PINK1: variants seen among roughly 807,000 people sequenced by gnomAD.
The protein encoded by PINK1 is serine/threonine-protein kinase PINK1, mitochondrial.
A neutral mutation model predicts 56.0 loss-of-function variants in PINK1; 58 were observed. That is an observed-to-expected ratio of 1.04 (90% confidence interval 0.84 to 1.29). PINK1 has a LOEUF of 1.29. PINK1 is among the 50% of genes most tolerant of loss of function. The probability of loss-of-function intolerance (pLI) is 0.00; values close to 1 mark genes in which losing one functional copy is unlikely to be tolerated. For synonymous variants in PINK1, 354 were observed against 339.3 expected (o/e 1.04, Z -0.48); for missense variants, 745 against 777.9 (o/e 0.96, Z 0.50).
chr1:20,637,776 CCT>C lies in PINK1; in HGVS notation c.388-65_388-64del, dbSNP rs35832516. ...CCTTGCTGCACCTCTCTCTGCCTCC[CCT>C]GTTTCCCTTTTCTTGGGCCTTCCTA... On this transcript the variant is annotated intron_variant, in intron 1 of 7. Coordinates refer to ENST00000321556, the MANE Select transcript of PINK1 (RefSeq NM_032409.3). 204,016 of 1,582,232 alleles carry C rather than the reference CCT, an allele frequency of 0.13. 14,237 individuals carry two copies. The highest frequency in any genetic ancestry group is 0.14 in the Non-Finnish European group (163,479 of 1,153,496).
intron 4 of PINK1, 25 bp downstream of exon 4, chr1:20,644,697 C>T (rs773923961): frequency 1.2e-6 from 2 of 1,612,656 alleles, no homozygotes; most frequent in Non-Finnish European, 1.7e-6. Flanking sequence ...CGCGGCAGGG[C>T]CTGGAGCTGA....
At chr1:20,647,052 G>GATT (rs1158333228) in intron 5 of PINK1, among the ~76,000 whole-genome samples, 1 of 83,412 alleles carries the variant, frequency 1.2e-5, no homozygotes, top group Non-Finnish European at 2.6e-5. Context: ...GCTAATTTTT[G>GATT]ATTTTTTTTT....
intron 5 of PINK1, 120 bp downstream of exon 5, chr1:20,645,843 C>T: frequency 7.4e-7 from 1 of 1,346,818 alleles, no homozygotes; most frequent in Non-Finnish European, 1.0e-6. Context: ...CTTTATTTAG[C>T]TCCGCACACA....
At position 20,641,035 on chromosome 1, in the gene PINK1, G is replaced by A. The variant is rs2053110547; in HGVS notation, c.776+1043G>A. On this transcript the variant is annotated intron_variant, in intron 3 of 7. Transcript: ENST00000321556. The surrounding 1 kb of genome is among the most constrained non-coding windows in gnomAD (Gnocchi z 4.0). ...CTGGGCGACCCTGGAGTGAGACCCTGTCTCTCATTTGTAGACCCACCAAGA... is the reference window on the plus strand; with the variant it reads ...CTGGGCGACCCTGGAGTGAGACCCTATCTCTCATTTGTAGACCCACCAAGA... 6.6e-6 allele frequency among the ~76,000 whole-genome samples: 1 copy of A among 152,056 alleles called. No individual in the cohort carries two copies. The highest frequency in any genetic ancestry group is 2.1e-4 in the South Asian group (1 of 4,822).
At chr1:20,645,497 A>AAAC in intron 4 of PINK1, 63 bp from the exon 5 acceptor site, 1 of 1,506,832 alleles carries the variant, frequency 6.6e-7, no homozygotes, top group Non-Finnish European at 9.1e-7. Flanking sequence ...CAAAAAAAAA[A>AAAC]AAAAAAACGT....
At chr1:20,648,961 G>A (rs1449935723) in intron 6 of PINK1, 34 bp from the exon 7 acceptor site, 4 of 1,599,408 alleles carry the variant, frequency 2.5e-6, no homozygotes, top group Non-Finnish European at 3.4e-6. Context: ...AGATGGGCGG[G>A]CAGCGTGATG....
rs958007256 is a variant in PINK1 at position 20,641,603 on chromosome 1, T to C, written c.776+1611T>C. On this transcript the variant is annotated intron_variant, in intron 3 of 7. Transcript: ENST00000321556. This position sits in a 1 kb window ranked among gnomAD's most constrained non-coding sequence, Gnocchi z 4.0. Reference sequence around the variant, plus strand: ...CGGATAGATGTGGCAGCAGGTACATTACCTCAACTTCTGGTACACCTTGGG... The same window carrying C: ...CGGATAGATGTGGCAGCAGGTACATCACCTCAACTTCTGGTACACCTTGGG... 6.6e-6 allele frequency among the ~76,000 whole-genome samples: 1 copy of C among 152,128 alleles called. No individual in the cohort carries two copies. Among genetic ancestry groups the C allele is most frequent in the Non-Finnish European group, 1.5e-5 (1 of 68,040 alleles).
chr1:20,638,288 T>C, intron 2 of PINK1, 159 bp downstream of exon 2: 1 of 803,362 alleles, frequency 1.2e-6, no homozygotes, highest in South Asian at 1.8e-5. Context: ...TACACAGAAG[T>C]CTAAACCAGA....
chr1:20,642,047 A>G (rs2053120545), intron 3 of PINK1, among the ~76,000 whole-genome samples: 1 of 152,164 alleles, frequency 6.6e-6, no homozygotes, highest in African/African-American at 2.4e-5. Context: ...CTTTGATTGC[A>G]TAGAACAGGG....
intron 5 of PINK1, among the ~76,000 whole-genome samples, chr1:20,648,131 G>A (rs1238291209): frequency 6.6e-6 from 1 of 152,170 alleles, no homozygotes; most frequent in East Asian, 1.9e-4. Flanking sequence ...TAATGCACCT[G>A]GTTCTTAGGT....
At chr1:20,642,762 G>C (rs950382375) in intron 3 of PINK1, 2 of 152,264 alleles carry the variant, frequency 1.3e-5, no homozygotes, top group Non-Finnish European at 2.9e-5. Flanking sequence ...AACCTCCCTG[G>C]GCTCAAGTGA....
chr1:20,638,791 A>C (rs550292403), intron 2 of PINK1: 2 of 154,926 alleles, frequency 1.3e-5, no homozygotes, highest in African/African-American at 4.8e-5. Flanking sequence ...CAAGTGCCTA[A>C]ACCACTGATT....
At chr1:20,646,643 A>AAAAT (rs80185786) in intron 5 of PINK1, among the ~76,000 whole-genome samples, 68,516 of 131,388 alleles carry the variant, frequency 0.52, 15,795 homozygotes, top group South Asian at 0.65. Context: ...AGTCCATCTC[A>AAAAT]AAATAAATTA....
intron 5 of PINK1, 39 bp from the exon 6 acceptor site, chr1:20,648,466 A>C (rs1363160905): frequency 6.2e-7 from 1 of 1,613,562 alleles, no homozygotes; most frequent in South Asian, 1.1e-5. Flanking sequence ...AGAGGGAAGG[A>C]GGGGAGGAGA....
chr1:20,643,947 A>G lies in PINK1; in HGVS notation c.777-543A>G, dbSNP rs187291775. On this transcript the variant is annotated intron_variant, in intron 3 of 7. Transcript: ENST00000321556. ...ATACCTATGGTAAAGTTTAATTTATAAATTAGGCACAGTAAAAAATTAAAG... is the reference window on the plus strand; with the variant it reads ...ATACCTATGGTAAAGTTTAATTTATGAATTAGGCACAGTAAAAAATTAAAG... 2.0e-3 allele frequency among the ~76,000 whole-genome samples: 295 copies of G among 149,936 alleles called. 6 individuals carry two copies. Among genetic ancestry groups the G allele is most frequent in the Non-Finnish European group, 6.5e-4 (44 of 67,574 alleles).
At chr1:20,638,914 A>C (rs931162) in intron 2 of PINK1, 58,674 of 152,304 alleles carry the variant, frequency 0.39, 11,331 homozygotes, top group Middle Eastern at 0.45. Context: ...CCTCCAGCTC[A>C]GAGGCTTGCA....
At chr1:20,649,957 A>G (rs1358482251) in intron 7 of PINK1, 1 of 239,724 alleles carries the variant, frequency 4.2e-6, no homozygotes, top group Non-Finnish European at 8.3e-6. Context: ...ATCCGAAGCC[A>G]TAATTGGAGT....
In PINK1 at chr1:20,635,594, A is replaced by T. The variant is rs546810627; in HGVS notation, c.387+1659A>T. On this transcript the variant is annotated intron_variant, in intron 1 of 7. Transcript: ENST00000321556. ...CCGGGCGGGGTGGCTCATGCCTGTA[A>T]TCTCAGCACTTTGGGAGGCCAAGGC... Among the ~76,000 whole-genome samples the T allele has an allele frequency of 9.9e-5, 15 of 151,980 alleles. No homozygotes were observed. In the South Asian group the frequency reaches 3.1e-3, roughly 32 times the overall value.
chr1:20,648,715 A>G (rs1318928281), intron 6 of PINK1, 83 bp downstream of exon 6: 1 of 1,579,692 alleles, frequency 6.3e-7, no homozygotes, highest in African/African-American at 1.3e-5. Context: ...GCCTTGTGAT[A>G]ACCCAACACC....
Sources: allele counts gnomAD v4.1 joint callset (sites outside exome capture counted in the v4.1 genomes callset), GRCh38; gene constraint gnomAD v4.1.1; non-coding constraint Gnocchi (gnomAD v3.1); transcripts MANE v1.5; gene names NCBI Gene and HGNC (gene_info 2026-07-23, HGNC 2026-07-21).